The following CRYBG2 variants were observed in gnomAD, a reference collection of about 807,000 sequenced individuals.
CRYBG2 encodes crystallin beta-gamma domain containing 2.
CRYBG2 carries 106 observed loss-of-function variants against 153.4 expected under a neutral mutation model. That is an observed-to-expected ratio of 0.69 (90% CI 0.59 to 0.81). The LOEUF (loss-of-function observed/expected upper bound fraction) is 0.81. Ranked by LOEUF, CRYBG2 falls within the 30% of genes least tolerant of loss-of-function variation. The pLI is 0.00. For synonymous variants in CRYBG2, 851 were observed against 877.8 expected (o/e 0.97, Z 0.54); for missense variants, 1,996 against 2,112.0 (o/e 0.95, Z 1.08).
In CRYBG2 at chr1:26,344,567, C is replaced by T. The variant is rs78738137; in HGVS notation, c.2091G>A (p.Glu697=). ...GSPISSLTQK[E]VVQDPDALPA... ...GGAGAGCATCAGGGTCCTGCACAAC[C>T]TCTTTCTGGGTGAGAGATGAGATGG... Residue 697 remains glutamate, a synonymous_variant, in exon 2 of 20, where the codon GAG becomes GAA. Coordinates refer to ENST00000308182, the MANE Select transcript of CRYBG2 (RefSeq NM_001039775.4). 2.1e-3 allele frequency: 3,160 copies of T among 1,540,678 alleles called. 65 individuals carry two copies. In the African/African-American group the frequency reaches 0.038, roughly 19 times the overall value.
rs936578074 is a variant in CRYBG2, at chr1:26,325,968, T to C, written c.4579-1658A>G. Among the ~76,000 whole-genome samples, 2 of 152,090 alleles carry C rather than the reference T, an allele frequency of 1.3e-5. No individual in the cohort carries two copies. The highest frequency in any genetic ancestry group is 4.8e-5 in the African/African-American group (2 of 41,422). Reference sequence around the variant, plus strand: ...CCACGCTGGAGTACCAGTGGAGCCATCATGGCTCACTGTAGCCTCAAACTC... The same window carrying C: ...CCACGCTGGAGTACCAGTGGAGCCACCATGGCTCACTGTAGCCTCAAACTC... On this transcript the variant is annotated intron_variant, in intron 17 of 19. Coordinates refer to ENST00000308182, the MANE Select transcript of CRYBG2 (RefSeq NM_001039775.4). This position sits in a 1 kb window ranked among gnomAD's most constrained non-coding sequence, Gnocchi z 4.1.
At position 26,331,578 on chromosome 1, in the gene CRYBG2, G is replaced by A; in HGVS notation, c.4225C>T (p.His1409Tyr). The change falls in exon 15 of 20, where the codon CAC (histidine) becomes TAC (tyrosine). Residue 1409 changes from histidine (H) to tyrosine (Y), a missense_variant. By Grantham distance (83) the His-to-Tyr change is moderately conservative (BLOSUM62 2). Coordinates refer to ENST00000308182, the MANE Select transcript of CRYBG2 (RefSeq NM_001039775.4). Reference protein sequence around the residue: ...FDETNFEGDQHILSEGEFPTL... With the variant: ...FDETNFEGDQYILSEGEFPTL... ...GGGAACTCGCCCTCAGAGAGAATGT[G>A]CTGGTCACCCTCGAAGTTCGTCTCA... The A allele has an allele frequency of 6.2e-7, 1 of 1,614,094 alleles. No individual in the cohort carries two copies. The highest frequency in any genetic ancestry group is 1.1e-5 in the South Asian group (1 of 91,082).
intron 17 of CRYBG2, among the ~76,000 whole-genome samples, chr1:26,327,733 G>A (rs1400005103): frequency 9.2e-5 from 14 of 151,896 alleles, no homozygotes; most frequent in East Asian, 7.7e-4. Context: ...GATCACTTGA[G>A]GTCAGGAATT....
intron 15 of CRYBG2, 31 bp from the exon 16 acceptor site, chr1:26,328,904 C>T (rs774982848): frequency 1.9e-6 from 3 of 1,611,726 alleles, no homozygotes; most frequent in Non-Finnish European, 2.5e-6. Flanking sequence ...GAGGGTGAGG[C>T]TCTGAGAGCC....
intron 14 of CRYBG2, among the ~76,000 whole-genome samples, chr1:26,333,045 A>AAAAAAAAAAAAAAAAAAAAC (rs2074016334): frequency 7.2e-6 from 1 of 138,736 alleles, no homozygotes; most frequent in Non-Finnish European, 1.5e-5. Flanking sequence ...AAAAAAAAAA[A>AAAAAAAAAAAAAAAAAAAAC]AGATTTCTAA....
intron 14 of CRYBG2, among the ~76,000 whole-genome samples, chr1:26,332,618 T>C (rs536966264): frequency 6.6e-6 from 1 of 152,180 alleles, no homozygotes; most frequent in East Asian, 1.9e-4. Context: ...GCAATTCTCC[T>C]GCATCAGCCT....
chr1:26,347,284 G>GTTTTTTTTTT (rs1198055868), intron 1 of CRYBG2, among the ~76,000 whole-genome samples: 7 of 73,894 alleles, frequency 9.5e-5, no homozygotes, highest in Admixed American at 2.1e-4. Context: ...CTCCCCCTGC[G>GTTTTTTTTTT]TTTTTTTTTT....
In CRYBG2 at chr1:26,346,641, C is replaced by G; in HGVS notation, c.17G>C (p.Gly6Ala). 6.5e-7 allele frequency: 1 copy of G among 1,545,056 alleles called. No homozygotes were observed. Among genetic ancestry groups the G allele is most frequent in the South Asian group, 1.2e-5 (1 of 84,140 alleles). Residue 6 changes from glycine (G) to alanine (A), a missense_variant, in exon 2 of 20, where the codon GGG (glycine) becomes GCG (alanine). Transcript: ENST00000308182. The surrounding 1 kb of genome is among the most constrained non-coding windows in gnomAD (Gnocchi z 4.9). MEEAG[G>A]PMARAKARVV... ...TCGGGCCTTGGCCCGGGCCATGGGC[C>G]CACCTGCCTCCTCCATGTGGGGCCC...
Position 26,344,170 on chromosome 1 carries a change from C to T in CRYBG2, c.2488G>A (p.Glu830Lys), listed in dbSNP as rs549736031. Reference protein sequence around the residue: ...VPSLEEKEEEEEEEPENPYLS... With the variant: ...VPSLEEKEEEKEEEPENPYLS... The stretch of plus-strand genomic sequence containing the variant: ...TAGGGGTTCTCTGGTTCCTCCTCCT[C>T]CTCCTCCTCTTTCTCTTCCAGTGAA... The change falls in exon 2 of 20, where the codon GAG becomes AAG. Residue 830 changes from glutamate to lysine, a missense_variant. Transcript: ENST00000308182. 1.1e-4 allele frequency: 168 copies of T among 1,535,800 alleles called. No homozygotes were observed. In the Middle Eastern group the frequency reaches 1.2e-3, roughly 11 times the overall value.
chr1:26,345,695 C>T lies in CRYBG2; in HGVS notation c.963G>A (p.Pro321=), dbSNP rs1322550041. 12 of 1,597,960 alleles carry T rather than the reference C, an allele frequency of 7.5e-6. No homozygotes were observed. Among genetic ancestry groups the T allele is most frequent in the Middle Eastern group, 1.7e-4 (1 of 6,058 alleles). The change falls in exon 2 of 20, where the codon CCG becomes CCA. Residue 321 remains proline (P), a synonymous_variant. Coordinates refer to ENST00000308182, the MANE Select transcript of CRYBG2 (RefSeq NM_001039775.4). ...ACPDRDQGRA[P]DARACELWQV... ...GCCAGAGCTCACAGGCCCTGGCATC[C>T]GGGGCTCTGCCCTGGTCTCTGTCCG...
rs746836857 is a variant in CRYBG2 at position 26,336,770 on chromosome 1, G to A, written c.3912-38C>T. On this transcript the variant is annotated intron_variant, in intron 11 of 19. Coordinates refer to ENST00000308182, the MANE Select transcript of CRYBG2 (RefSeq NM_001039775.4). The surrounding 1 kb of genome is among the most constrained non-coding windows in gnomAD (Gnocchi z 4.9). ...CGGGGCGCGAGTCAGCTGGGACGGA[G>A]CCTGCACCTCTCCTGGAACCGCCCC... 2 of 1,569,226 alleles carry A rather than the reference G, an allele frequency of 1.3e-6. No homozygotes were observed. Among genetic ancestry groups the A allele is most frequent in the Non-Finnish European group, 1.7e-6 (2 of 1,157,790 alleles).
At position 26,345,619 on chromosome 1, in the gene CRYBG2, C is replaced by T. The variant is rs762140381; in HGVS notation, c.1039G>A (p.Gly347Ser). The change falls in exon 2 of 20, where the codon GGT (glycine) becomes AGT (serine). Residue 347 changes from glycine (G) to serine (S), a missense_variant. Gly to Ser is a moderately conservative substitution (Grantham distance 56, BLOSUM62 0). Transcript: ENST00000308182. ...STELPLQTSQ[G>S]QASVPSSPRL... ...GGAGAGGAGGGGACTGATGCTTGAC[C>T]CTGAGAAGTCTGGAGAGGGAGCTCA... 2 of 1,599,698 alleles carry T rather than the reference C, an allele frequency of 1.3e-6. No homozygotes were observed. Among genetic ancestry groups the T allele is most frequent in the Non-Finnish European group, 8.5e-7 (1 of 1,179,788 alleles).
intron 5 of CRYBG2, 127 bp from the exon 6 acceptor site, chr1:26,339,556 G>A: frequency 2.1e-6 from 2 of 950,956 alleles, no homozygotes; most frequent in Admixed American, 5.3e-5. Context: ...GAGACCAGCT[G>A]ACCAACATGG....
Position 26,336,815 on chromosome 1 carries a change from C to A in CRYBG2, c.3911+26G>T. On this transcript the variant is annotated intron_variant, in intron 11 of 19. Transcript: ENST00000308182. This position sits in a 1 kb window ranked among gnomAD's most constrained non-coding sequence, Gnocchi z 4.9. ...CGCCCCCGGCTCGCCCGGGCCCGCC[C>A]CGCTCCCGGAGCCCGGGTCACTTAC... The A allele has an allele frequency of 6.4e-7, 1 of 1,570,758 alleles. No homozygotes were observed. Among genetic ancestry groups the A allele is most frequent in the East Asian group, 2.4e-5 (1 of 41,696 alleles).
chr1:26,328,644 G>A, intron 16 of CRYBG2, 90 bp downstream of exon 16: 1 of 1,506,178 alleles, frequency 6.6e-7, no homozygotes, highest in Non-Finnish European at 8.9e-7. Context: ...GTGGGGAGGG[G>A]AAAGAGGCCA....
intron 5 of CRYBG2, among the ~76,000 whole-genome samples, chr1:26,342,511 T>C (rs2074142813): frequency 6.6e-6 from 1 of 152,160 alleles, no homozygotes; most frequent in African/African-American, 2.4e-5. Context: ...GTAATTCTCC[T>C]GCCTCAGCCT....
Position 26,346,442 on chromosome 1 carries a change from T to C in CRYBG2, c.216A>G (p.Glu72=). 5 of 1,603,878 alleles carry C rather than the reference T, an allele frequency of 3.1e-6. No individual in the cohort carries two copies. The highest frequency in any genetic ancestry group is 4.2e-6 in the Non-Finnish European group (5 of 1,179,730). Residue 72 remains glutamate (E), a synonymous_variant, in exon 2 of 20, where the codon GAA becomes GAG. Transcript: ENST00000308182. The surrounding 1 kb of genome is among the most constrained non-coding windows in gnomAD (Gnocchi z 4.9). ...GGCCCTGGCAATTCACAGTCTCTTC[T>C]TCCTGTGTTGCAAAGCCATTGACTT... The part of the protein sequence containing the change: ...EVEVNGFATQ[E]EETVNCQGPR...
chr1:26,330,277 G>A lies in CRYBG2; in HGVS notation c.4314+1212C>T, dbSNP rs61775117. 8.6e-3 allele frequency among the ~76,000 whole-genome samples: 1,310 copies of A among 152,238 alleles called. 8 individuals carry two copies. Among genetic ancestry groups the A allele is most frequent in the South Asian group, 0.017 (80 of 4,818 alleles). Reference sequence around the variant, plus strand: ...CCACTTAATAGGGAGGAAACAGGCTGGAGAGGGTAAATCGCTTGCTCAGGG... The same window carrying A: ...CCACTTAATAGGGAGGAAACAGGCTAGAGAGGGTAAATCGCTTGCTCAGGG... On this transcript the variant is annotated intron_variant, in intron 15 of 19. Transcript: ENST00000308182.
chr1:26,338,261 C>G (rs2124705717), intron 7 of CRYBG2, 90 bp downstream of exon 7: 2 of 1,519,512 alleles, frequency 1.3e-6, no homozygotes, highest in East Asian at 4.5e-5. Flanking sequence ...ACTTCATCCC[C>G]CATCCCTTCC....
Sources: allele counts gnomAD v4.1 joint callset (sites outside exome capture counted in the v4.1 genomes callset), GRCh38; gene constraint gnomAD v4.1.1; non-coding constraint Gnocchi (gnomAD v3.1); transcripts MANE v1.5; gene names NCBI Gene and HGNC (gene_info 2026-07-23, HGNC 2026-07-21).